Variants in PRKAG2 observed in about 807,000 individuals in gnomAD.
PRKAG2 encodes protein kinase AMP-activated non-catalytic subunit gamma 2.
In PRKAG2, 26 loss-of-function variants were observed where a neutral mutation model predicts 69.6. That is an observed-to-expected ratio of 0.37 (90% confidence interval 0.27 to 0.52). The LOEUF (loss-of-function observed/expected upper bound fraction) is 0.52. Ranked by LOEUF, PRKAG2 falls within the 20% of genes least tolerant of loss-of-function variation. The pLI is 0.90. For missense variants in PRKAG2, 557 were observed against 740.0 expected, an observed-to-expected ratio of 0.75 and a Z score of 2.87; for synonymous variants, 293 against 285.0, an observed-to-expected ratio of 1.03 and a Z score of -0.28.
chr7:151,869,698 G>A (rs780223749), intron 1 of PRKAG2, among the ~76,000 whole-genome samples: 54 of 152,244 alleles, frequency 3.5e-4, no homozygotes, highest in Non-Finnish European at 7.2e-4. Flanking sequence ...GCACTGGGCC[G>A]TGCTCAAGCG....
chr7:151,870,147 A>AGATAGAT (rs1554621428), intron 1 of PRKAG2, among the ~76,000 whole-genome samples: 7 of 132,482 alleles, frequency 5.3e-5, no homozygotes, highest in African/African-American at 1.9e-4. Context: ...ATAGATAGAT[A>AGATAGAT]GATAGATAGG....
intron 1 of PRKAG2, among the ~76,000 whole-genome samples, chr7:151,795,705 G>C (rs940947589): frequency 6.6e-6 from 1 of 151,950 alleles, no homozygotes; most frequent in Non-Finnish European, 1.5e-5. Context: ...GGCCTGAAGA[G>C]GGAAAACAGA....
At chr7:151,670,846 A>G (rs1448878989) in intron 4 of PRKAG2, among the ~76,000 whole-genome samples, 1 of 152,204 alleles carries the variant, frequency 6.6e-6, no homozygotes, top group Non-Finnish European at 1.5e-5. Flanking sequence ...TAAGTTGCTT[A>G]ATAGGTATTT....
In PRKAG2 at chr7:151,634,123, T is replaced by TAAAG. The variant is rs572497648; in HGVS notation, c.685-1986_685-1985insCTTT. Reference sequence around the variant, plus strand: ...TTAATATTAAAGCAAACTATATAGATACAGCAATCAAGACAATGGTATTGG... The same window carrying TAAAG: ...TTAATATTAAAGCAAACTATATAGATAAAGACAGCAATCAAGACAATGGTATTGG... On this transcript the variant is annotated intron_variant, in intron 4 of 15. Transcript: ENST00000287878. 4.6e-5 allele frequency among the ~76,000 whole-genome samples: 7 copies of TAAAG among 152,062 alleles called. No individual in the cohort carries two copies. In the South Asian group the frequency reaches 1.5e-3, roughly 32 times the overall value.
chr7:151,677,687 C>T lies in PRKAG2; in HGVS notation c.467-2050G>A, dbSNP rs77597183. 5.2e-3 allele frequency among the ~76,000 whole-genome samples: 786 copies of T among 152,322 alleles called. 7 individuals are homozygous for T. The highest frequency in any genetic ancestry group is 0.018 in the African/African-American group (756 of 41,562). ...ACTGTAACAGACCATAGCCTACATT[C>T]GTGCCAGCCAGAGTTTTGGCAATCA... On this transcript the variant is annotated intron_variant, in intron 3 of 15. Coordinates refer to ENST00000287878, the MANE Select transcript of PRKAG2 (RefSeq NM_016203.4).
rs150476180 is a variant in PRKAG2, at chr7:151,578,301, C to T, written c.865-1849G>A. 6.4e-3 allele frequency among the ~76,000 whole-genome samples: 974 copies of T among 152,254 alleles called. 4 individuals are homozygous for T. Among genetic ancestry groups the T allele is most frequent in the Non-Finnish European group, 0.01 (700 of 68,018 alleles). The stretch of plus-strand genomic sequence containing the variant: ...TGGAGGCTGTAGTGAGCCGAGAACA[C>T]GCCACTGTACTCCAGCCTGAGTGAA... On this transcript the variant is annotated intron_variant, in intron 6 of 15. Coordinates refer to ENST00000287878, the MANE Select transcript of PRKAG2 (RefSeq NM_016203.4).
rs368002624 is a variant in PRKAG2, at chr7:151,562,870, G to A, written c.1584+1208C>T. 1.6e-4 allele frequency among the ~76,000 whole-genome samples: 24 copies of A among 151,188 alleles called. No homozygotes were observed. In the East Asian group the frequency reaches 4.7e-3, roughly 29 times the overall value. ...CTCGGGAGGCTGAGGCAGGAGAATC[G>A]CTTGAACCTGGGAGGCGGAGCTTGC... is the stretch of plus-strand genomic sequence containing the variant. On this transcript the variant is annotated intron_variant, in intron 14 of 15. Transcript: ENST00000287878.
intron 3 of PRKAG2, among the ~76,000 whole-genome samples, chr7:151,774,798 T>A (rs1194261451): frequency 6.6e-6 from 1 of 152,070 alleles, no homozygotes; most frequent in Non-Finnish European, 1.5e-5. Flanking sequence ...AGAGTGAGAC[T>A]CCATTTCAAA....
intron 4 of PRKAG2, among the ~76,000 whole-genome samples, chr7:151,673,577 G>C (rs548360349): frequency 1.3e-4 from 20 of 152,198 alleles, no homozygotes; most frequent in South Asian, 1.0e-3. Context: ...TTAACCTTTG[G>C]CACCTGAAAT....
chr7:151,636,925 G>A (rs1825841187), intron 4 of PRKAG2, among the ~76,000 whole-genome samples: 2 of 152,016 alleles, frequency 1.3e-5, no homozygotes, highest in African/African-American at 2.4e-5. Context: ...GGTTGGTCTC[G>A]AACTCCTGAC....
chr7:151,716,275 G>A (rs925045634), intron 3 of PRKAG2, among the ~76,000 whole-genome samples: 2 of 152,186 alleles, frequency 1.3e-5, no homozygotes, highest in South Asian at 2.1e-4. Flanking sequence ...AGAGGAGGCC[G>A]AGTGTGAAAG....
At chr7:151,604,515 A>G (rs1291219420) in intron 5 of PRKAG2, among the ~76,000 whole-genome samples, 4 of 151,984 alleles carry the variant, frequency 2.6e-5, no homozygotes, top group African/African-American at 9.7e-5. Flanking sequence ...GTGCACACCT[A>G]TGGCCCCAGC....
At chr7:151,622,208 C>T (rs913222012) in intron 5 of PRKAG2, among the ~76,000 whole-genome samples, 1 of 152,114 alleles carries the variant, frequency 6.6e-6, no homozygotes, top group African/African-American at 2.4e-5. Flanking sequence ...CATCCAAGTC[C>T]CCGCAAGTGT....
intron 1 of PRKAG2, among the ~76,000 whole-genome samples, chr7:151,812,253 C>T (rs1335997474): frequency 6.6e-6 from 1 of 152,078 alleles, no homozygotes; most frequent in African/African-American, 2.4e-5. Context: ...AAAGTACAGG[C>T]ATTCACCTTC....
intron 1 of PRKAG2, among the ~76,000 whole-genome samples, chr7:151,789,311 C>T (rs561251044): frequency 3.9e-5 from 6 of 152,116 alleles, no homozygotes; most frequent in African/African-American, 9.7e-5. Context: ...CATTTATTTG[C>T]GTGTCTTCTT....
chr7:151,809,540 C>CCCTCCAAGTTTAA, intron 1 of PRKAG2: 1 of 241,142 alleles, frequency 4.1e-6, no homozygotes, highest in South Asian at 4.2e-5. Context: ...TGCAAACTCC[C>CCCTCCAAGTTTAA]CCTCCAAGGA....
chr7:151,717,825 G>A (rs1796410475), intron 3 of PRKAG2, among the ~76,000 whole-genome samples: 2 of 152,250 alleles, frequency 1.3e-5, no homozygotes, highest in South Asian at 4.2e-4. Flanking sequence ...GAGCCACCCT[G>A]AGCCTTGGGG....
chr7:151,681,125 C>T lies in PRKAG2; in HGVS notation c.467-5488G>A, dbSNP rs563581750. ...CATGGCCCTGTCCCCTTGCAGGCCA[C>T]CCCCGTGTGAGTACTGGAATGATCC... On this transcript the variant is annotated intron_variant, in intron 3 of 15. Coordinates refer to ENST00000287878, the MANE Select transcript of PRKAG2 (RefSeq NM_016203.4). Among the ~76,000 whole-genome samples, 18 of 152,326 alleles carry T rather than the reference C, an allele frequency of 1.2e-4. No homozygotes were observed. In the South Asian group the frequency reaches 3.7e-3, roughly 32 times the overall value.
chr7:151,712,014 G>A (rs557155887), intron 3 of PRKAG2, among the ~76,000 whole-genome samples: 68 of 152,334 alleles, frequency 4.5e-4, no homozygotes, highest in African/African-American at 1.6e-3. Flanking sequence ...GCTGTGTCTC[G>A]GGTGATGGAG....
Sources: allele counts gnomAD v4.1 joint callset (sites outside exome capture counted in the v4.1 genomes callset), GRCh38; gene constraint gnomAD v4.1.1; transcripts MANE v1.5; gene names NCBI Gene and HGNC (gene_info 2026-07-23, HGNC 2026-07-21).